Variants in XIRP2 observed in about 807,000 individuals in gnomAD.
XIRP2 encodes xin actin binding repeat containing 2.
XIRP2 carries 236 observed loss-of-function variants against 277.0 expected under a neutral mutation model. The observed-to-expected ratio is 0.85, with a 90% confidence interval of 0.77 to 0.95. The LOEUF (loss-of-function observed/expected upper bound fraction) is 0.95, where lower values mean the gene tolerates loss of function less well. Ranked by LOEUF, XIRP2 falls within the 40% of genes least tolerant of loss-of-function variation. The probability of loss-of-function intolerance (pLI) is 0.00; values close to 1 mark genes in which losing one functional copy is unlikely to be tolerated. For synonymous variants in XIRP2, 1,490 were observed against 1,416.5 expected (o/e 1.05, Z -1.17); for missense variants, 4,640 against 4,157.5 (o/e 1.12, Z -3.19).
chr2:167,237,674 G>T (rs1388206986), intron 5 of XIRP2, among the ~76,000 whole-genome samples: 2 of 152,082 alleles, frequency 1.3e-5, no homozygotes, highest in African/African-American at 4.8e-5. Context: ...GGCCTCAGCG[G>T]GCATGTAGGC....
intron 3 of XIRP2, among the ~76,000 whole-genome samples, chr2:167,198,529 CT>C (rs1390484722): frequency 6.6e-6 from 1 of 152,220 alleles, no homozygotes; most frequent in Admixed American, 6.5e-5. Flanking sequence ...AAACATAAAG[CT>C]TTGGTGAGAA....
intron 2 of XIRP2, among the ~76,000 whole-genome samples, chr2:167,017,509 A>T (rs567900214): frequency 6.6e-6 from 1 of 152,040 alleles, no homozygotes; most frequent in African/African-American, 2.4e-5. Context: ...AGAGTCCATT[A>T]TGCTTTTGTA....
chr2:167,189,212 A>G (rs981713991), intron 3 of XIRP2, among the ~76,000 whole-genome samples: 1 of 152,108 alleles, frequency 6.6e-6, no homozygotes, highest in South Asian at 2.1e-4. Flanking sequence ...GGTAACTTCA[A>G]TACTGGGAAC....
At chr2:166,914,811 T>G (rs1244064533) in intron 2 of XIRP2, among the ~76,000 whole-genome samples, 2 of 152,220 alleles carry the variant, frequency 1.3e-5, no homozygotes, top group Non-Finnish European at 2.9e-5. Context: ...TTTCCATATT[T>G]CAAAGTCAGG....
intron 2 of XIRP2, among the ~76,000 whole-genome samples, chr2:166,985,351 T>C (rs1686974948): frequency 6.6e-6 from 1 of 152,224 alleles, no homozygotes; most frequent in Admixed American, 6.5e-5. Context: ...GATTTTTACT[T>C]ACTAACATTG....
Position 167,248,838 on chromosome 2 carries a change from T to G in XIRP2, c.7446T>G (p.Ile2482Met). ...SEHTETKQNV[I>M]SKSLDERKQL... The stretch of plus-strand genomic sequence containing the variant: ...ACACGGAGACAAAGCAGAACGTTAT[T>G]AGTAAGAGTCTTGATGAAAGAAAAC... Residue 2482 changes from isoleucine to methionine, a missense_variant, in exon 9 of 11, where the codon ATT becomes ATG. Ile to Met is a conservative substitution (Grantham distance 10). Transcript: ENST00000409195. The G allele has an allele frequency of 6.2e-7, 1 of 1,613,612 alleles. No homozygotes were observed. Among genetic ancestry groups the G allele is most frequent in the South Asian group, 1.1e-5 (1 of 91,052 alleles).
At chr2:167,034,098 A>C (rs567005387) in intron 2 of XIRP2, among the ~76,000 whole-genome samples, 1 of 152,306 alleles carries the variant, frequency 6.6e-6, no homozygotes, top group African/African-American at 2.4e-5. Context: ...CAATATAATA[A>C]GGTATAAATA....
intron 2 of XIRP2, among the ~76,000 whole-genome samples, chr2:167,107,980 G>A (rs1001509308): frequency 6.6e-6 from 1 of 151,514 alleles, no homozygotes; most frequent in East Asian, 1.9e-4. Flanking sequence ...CAATGAATTA[G>A]TTTGTATATT....
At chr2:167,076,847 T>A (rs1689585300) in intron 2 of XIRP2, among the ~76,000 whole-genome samples, 1 of 152,138 alleles carries the variant, frequency 6.6e-6, no homozygotes, top group Admixed American at 6.5e-5. Context: ...TTGGGGGGAT[T>A]TTGAGACAGG....
At chr2:167,011,369 T>G (rs2105470817) in intron 2 of XIRP2, among the ~76,000 whole-genome samples, 1 of 151,580 alleles carries the variant, frequency 6.6e-6, no homozygotes, top group Middle Eastern at 3.4e-3. Context: ...TATGCTGGAT[T>G]ACATTTATTG....
At chr2:167,136,862 A>G (rs1471567959) in intron 3 of XIRP2, among the ~76,000 whole-genome samples, 1 of 152,208 alleles carries the variant, frequency 6.6e-6, no homozygotes, top group Admixed American at 6.5e-5. Flanking sequence ...CATGTGAGCA[A>G]TGTGGAAAGT....
At chr2:167,022,952 T>C (rs1334036933) in intron 2 of XIRP2, among the ~76,000 whole-genome samples, 3 of 152,184 alleles carry the variant, frequency 2.0e-5, no homozygotes, top group Non-Finnish European at 2.9e-5. Context: ...TGATTTATAG[T>C]CCTTTGGGTA....
rs755909106 is a variant in XIRP2 at position 167,258,971 on chromosome 2, G to T, written c.*1154G>T. ...CCTCAGCAGAGGCCTTATGGTAAAG[G>T]GGGGAAGTTCAATCATCTCTCCTGA... On this transcript the variant is annotated 3_prime_UTR_variant, in exon 11 of 11. Coordinates refer to ENST00000409195, the MANE Select transcript of XIRP2 (RefSeq NM_152381.6). 3 of 1,612,312 alleles carry T rather than the reference G, an allele frequency of 1.9e-6. No individual in the cohort carries two copies. The highest frequency in any genetic ancestry group is 8.5e-7 in the Non-Finnish European group (1 of 1,179,168).
intron 2 of XIRP2, among the ~76,000 whole-genome samples, chr2:166,937,908 GGTATTTT>G (rs1217718126): frequency 1.3e-5 from 2 of 152,062 alleles, no homozygotes; most frequent in Non-Finnish European, 2.9e-5. Flanking sequence ...ATTCTCTGAT[GGTATTTT>G]GTATTTCTGT....
At chr2:167,171,582 T>C (rs6744515) in intron 3 of XIRP2, among the ~76,000 whole-genome samples, 15,035 of 152,266 alleles carry the variant, frequency 0.099, 794 homozygotes, top group South Asian at 0.15. Flanking sequence ...GTCAAACAGA[T>C]GATAATGTTT....
intron 5 of XIRP2, among the ~76,000 whole-genome samples, chr2:167,225,230 T>C (rs998811586): frequency 3.9e-5 from 6 of 152,148 alleles, no homozygotes; most frequent in Non-Finnish European, 8.8e-5. Flanking sequence ...AGGAAAACAA[T>C]ATAATTAATA....
intron 2 of XIRP2, among the ~76,000 whole-genome samples, chr2:166,984,150 A>C (rs1686941753): frequency 1.3e-5 from 2 of 152,196 alleles, no homozygotes; most frequent in Admixed American, 6.5e-5. Context: ...TATGACTTAC[A>C]GCTCCACTAG....
Position 167,243,314 on chromosome 2 carries a change from A to G in XIRP2, c.1922A>G (p.Glu641Gly), listed in dbSNP as rs755661848. The G allele has an allele frequency of 6.2e-7, 1 of 1,613,762 alleles. No individual in the cohort carries two copies. Among genetic ancestry groups the G allele is most frequent in the Non-Finnish European group, 8.5e-7 (1 of 1,179,808 alleles). Residue 641 changes from glutamate to glycine, a missense_variant, in exon 9 of 11, where the codon GAG becomes GGG. Coordinates refer to ENST00000409195, the MANE Select transcript of XIRP2 (RefSeq NM_152381.6). Reference sequence around the variant, plus strand: ...TCTTCTGACACTGTAGAAAATGCAGAGAAAATTCCTGAGCTAGCCAGAGGA... The same window carrying G: ...TCTTCTGACACTGTAGAAAATGCAGGGAAAATTCCTGAGCTAGCCAGAGGA... The part of the protein sequence containing the change: ...AYSSDTVENA[E>G]KIPELARGDV...
intron 3 of XIRP2, among the ~76,000 whole-genome samples, chr2:167,151,083 G>A (rs1692002479): frequency 6.7e-6 from 1 of 149,718 alleles, no homozygotes; most frequent in South Asian, 2.2e-4. Context: ...TTCACCATCT[G>A]AAGAGCAAAG....
Sources: allele counts gnomAD v4.1 joint callset (sites outside exome capture counted in the v4.1 genomes callset), GRCh38; gene constraint gnomAD v4.1.1; transcripts MANE v1.5; gene names NCBI Gene and HGNC (gene_info 2026-07-23, HGNC 2026-07-21).